The following HIBADH variants were observed in gnomAD, a reference collection of about 807,000 sequenced individuals.
HIBADH encodes 3-hydroxyisobutyrate dehydrogenase, mitochondrial.
In HIBADH, 25 loss-of-function variants were observed where a neutral mutation model predicts 36.1. That is an observed-to-expected ratio of 0.69 (90% CI 0.50 to 0.97). The LOEUF is 0.97. Ranked by LOEUF, HIBADH falls within the 50% of genes least tolerant of loss-of-function variation. The pLI is 0.00. For missense variants in HIBADH, 421 were observed against 418.0 expected (o/e 1.01, Z -0.06); for synonymous variants, 160 against 149.5 (o/e 1.07, Z -0.51).
intron 4 of HIBADH, among the ~76,000 whole-genome samples, chr7:27,584,084 A>T (rs141221691): frequency 1.3e-5 from 2 of 152,176 alleles, no homozygotes; most frequent in Admixed American, 6.5e-5. Flanking sequence ...AATGCAGTTT[A>T]AAAAAGTAAG....
At chr7:27,579,317 A>AG (rs761607256) in intron 4 of HIBADH, among the ~76,000 whole-genome samples, 1 of 152,180 alleles carries the variant, frequency 6.6e-6, no homozygotes, top group Non-Finnish European at 1.5e-5. Context: ...ACGGGGCTGA[A>AG]GGGGGCAAGA....
intron 7 of HIBADH, among the ~76,000 whole-genome samples, chr7:27,530,154 A>G (rs1222617439): frequency 1.3e-5 from 2 of 152,172 alleles, no homozygotes; most frequent in Non-Finnish European, 1.5e-5. Flanking sequence ...AACTGAACCC[A>G]CAATATCTCC....
intron 4 of HIBADH, among the ~76,000 whole-genome samples, chr7:27,583,850 A>C (rs1784824308): frequency 2.0e-5 from 3 of 152,012 alleles, no homozygotes; most frequent in African/African-American, 7.2e-5. Context: ...AACATTTCTC[A>C]ATTGACTTAA....
intron 3 of HIBADH, among the ~76,000 whole-genome samples, chr7:27,629,804 T>C (rs372176445): frequency 3.3e-5 from 5 of 152,128 alleles, no homozygotes; most frequent in African/African-American, 1.2e-4. Context: ...GAAGCTAAGA[T>C]GTAAGCAATT....
chr7:27,640,754 G>C (rs1785945935), intron 2 of HIBADH, among the ~76,000 whole-genome samples: 1 of 152,192 alleles, frequency 6.6e-6, no homozygotes, highest in East Asian at 1.9e-4. Flanking sequence ...TCATGGTGTA[G>C]TGTATTTCTT....
At chr7:27,621,914 G>A (rs1785552073) in intron 4 of HIBADH, among the ~76,000 whole-genome samples, 1 of 152,136 alleles carries the variant, frequency 6.6e-6, no homozygotes, top group African/African-American at 2.4e-5. Context: ...ACATGCTCCT[G>A]AATGACCACT....
intron 4 of HIBADH, among the ~76,000 whole-genome samples, chr7:27,594,354 G>A (rs1447981506): frequency 6.6e-6 from 1 of 151,930 alleles, no homozygotes; most frequent in Non-Finnish European, 1.5e-5. Context: ...CATTGGTCAG[G>A]CTGGTCTCGA....
intron 4 of HIBADH, among the ~76,000 whole-genome samples, chr7:27,547,319 G>T (rs1379053481): frequency 6.6e-6 from 1 of 152,144 alleles, no homozygotes; most frequent in Non-Finnish European, 1.5e-5. Context: ...TCTTCAGAGA[G>T]GCCTTCCCTG....
In HIBADH at chr7:27,617,938, C is replaced by T. The variant is rs186704129; in HGVS notation, c.484+11433G>A. Among the ~76,000 whole-genome samples, 506 of 152,262 alleles carry T rather than the reference C, an allele frequency of 3.3e-3. 2 individuals carry two copies. Among genetic ancestry groups the T allele is most frequent in the Admixed American group, 7.8e-3 (119 of 15,288 alleles). ...GCTTTAACCCACAGGGTATACTACT[C>T]CCCAGGAAAAAAATGGTGCAGTGCG... is the stretch of plus-strand genomic sequence containing the variant. On this transcript the variant is annotated intron_variant, in intron 4 of 7. Transcript: ENST00000265395.
intron 2 of HIBADH, among the ~76,000 whole-genome samples, chr7:27,648,762 C>G (rs936396858): frequency 6.6e-6 from 1 of 152,200 alleles, no homozygotes; most frequent in Non-Finnish European, 1.5e-5. Context: ...TATCATCCAA[C>G]ATGATAAACT....
chr7:27,599,110 G>A (rs932150441), intron 4 of HIBADH, among the ~76,000 whole-genome samples: 1 of 151,986 alleles, frequency 6.6e-6, no homozygotes. Context: ...TTACGGAAAG[G>A]GAATAATTAA....
chr7:27,588,305 G>A (rs1193919382), intron 4 of HIBADH, among the ~76,000 whole-genome samples: 1 of 152,074 alleles, frequency 6.6e-6, no homozygotes, highest in East Asian at 1.9e-4. Flanking sequence ...AAGGCAAGAA[G>A]TTTTGGTAAA....
intron 4 of HIBADH, among the ~76,000 whole-genome samples, chr7:27,585,233 GCACA>G (rs1355428775): frequency 6.8e-6 from 1 of 148,076 alleles, no homozygotes; most frequent in African/African-American, 2.5e-5. Context: ...ATTTGCATGT[GCACA>G]CACGTGTGCA....
intron 4 of HIBADH, among the ~76,000 whole-genome samples, chr7:27,596,018 T>C (rs1785027300): frequency 6.6e-6 from 1 of 152,212 alleles, no homozygotes; most frequent in South Asian, 2.1e-4. Context: ...TGCAAATGTA[T>C]GAATAAATGC....
intron 4 of HIBADH, among the ~76,000 whole-genome samples, chr7:27,624,455 T>C (rs750157081): frequency 2.0e-5 from 3 of 152,232 alleles, no homozygotes; most frequent in Non-Finnish European, 2.9e-5. Flanking sequence ...TTCTATATAA[T>C]TATGGAAATA....
chr7:27,557,044 GC>G (rs1331013114), intron 4 of HIBADH, among the ~76,000 whole-genome samples: 3 of 151,928 alleles, frequency 2.0e-5, no homozygotes, highest in African/African-American at 7.3e-5. Flanking sequence ...GGAGGCTGAG[GC>G]AGGAGGATCA....
chr7:27,563,578 G>GA (rs1296936877), intron 4 of HIBADH, among the ~76,000 whole-genome samples: 1 of 152,200 alleles, frequency 6.6e-6, no homozygotes, highest in Non-Finnish European at 1.5e-5. Context: ...TATTTTAAAA[G>GA]TTGCTGTAGC....
At chr7:27,639,941 G>A (rs907849205) in intron 2 of HIBADH, among the ~76,000 whole-genome samples, 5 of 152,050 alleles carry the variant, frequency 3.3e-5, no homozygotes, top group Admixed American at 6.6e-5. Context: ...AAAGAGATAC[G>A]TTCTGAGAAA....
At chr7:27,606,182 A>T (rs977116632) in intron 4 of HIBADH, among the ~76,000 whole-genome samples, 1 of 152,218 alleles carries the variant, frequency 6.6e-6, no homozygotes, top group Non-Finnish European at 1.5e-5. Context: ...GGGAGGGGGT[A>T]AGATGGAGTA....
Sources: gnomAD v4.1 joint callset for allele counts (sites outside exome capture counted in the v4.1 genomes callset) on GRCh38, gnomAD v4.1.1 for gene constraint, MANE v1.5 for transcripts, NCBI Gene and HGNC (gene_info 2026-07-23, HGNC 2026-07-21) for gene names.